The following NAV1 variants were observed in gnomAD, a reference collection of about 807,000 sequenced individuals.
NAV1 encodes the protein neuron navigator 1.
Under a neutral mutation model 175.2 loss-of-function variants are expected in NAV1, and 18 were observed. The observed-to-expected ratio is 0.10, with a 90% confidence interval of 0.07 to 0.15. The LOEUF (loss-of-function observed/expected upper bound fraction) is 0.15, where lower values mean the gene tolerates loss of function less well. Ranked by LOEUF, NAV1 falls within the 10% of genes least tolerant of loss-of-function variation. The pLI is 1.00. For synonymous variants in NAV1, 897 were observed against 978.7 expected (o/e 0.92, Z 1.56); for missense variants, 1,731 against 2,436.6 (o/e 0.71, Z 6.10).
At chr1:201,570,135 A>T (rs1397077027) in intron 1 of NAV1, among the ~76,000 whole-genome samples, 1 of 152,044 alleles carries the variant, frequency 6.6e-6, no homozygotes, top group Non-Finnish European at 1.5e-5. Flanking sequence ...GACCTGAAAA[A>T]CACCAAACAA....
At chr1:201,640,018 C>T (rs550765471) in intron 2 of NAV1, among the ~76,000 whole-genome samples, 2 of 152,282 alleles carry the variant, frequency 1.3e-5, no homozygotes, top group South Asian at 2.1e-4. Flanking sequence ...TAGAATTTCT[C>T]GGCATTCCCA....
At chr1:201,687,686 T>C (rs1670737563) in intron 1 of NAV1, among the ~76,000 whole-genome samples, 1 of 152,208 alleles carries the variant, frequency 6.6e-6, no homozygotes. Flanking sequence ...CCCAAATCTG[T>C]CTGATTTTAA....
At chr1:201,683,000 T>C (rs1425057560) in intron 1 of NAV1, among the ~76,000 whole-genome samples, 1 of 152,188 alleles carries the variant, frequency 6.6e-6, no homozygotes, top group East Asian at 1.9e-4. Flanking sequence ...TATTATTAAC[T>C]TGGAAGTCCA....
At chr1:201,706,068 G>A (rs1456713176) in intron 1 of NAV1, among the ~76,000 whole-genome samples, 3 of 152,160 alleles carry the variant, frequency 2.0e-5, no homozygotes, top group Non-Finnish European at 4.4e-5. Context: ...GTGTCCTTGA[G>A]TGGAAGAGAG....
intron 3 of NAV1, among the ~76,000 whole-genome samples, chr1:201,777,980 C>T (rs1161997971): frequency 6.6e-6 from 1 of 152,056 alleles, no homozygotes; most frequent in East Asian, 1.9e-4. Context: ...AAACTATGCT[C>T]TCTTCAGTGG....
At chr1:201,569,206 C>T (rs1666457424) in intron 1 of NAV1, among the ~76,000 whole-genome samples, 1 of 152,152 alleles carries the variant, frequency 6.6e-6, no homozygotes, top group Admixed American at 6.5e-5. Context: ...TGCTCAGGCC[C>T]ATGAAGGTCT....
At chr1:201,741,668 C>G (rs1476888071) in intron 3 of NAV1, among the ~76,000 whole-genome samples, 3 of 152,210 alleles carry the variant, frequency 2.0e-5, no homozygotes, top group African/African-American at 7.2e-5. Context: ...TCCCCAATGC[C>G]TGGAGGGTGT....
intron 7 of NAV1, 24 bp from the exon 12 acceptor site, chr1:201,785,282 CTTTT>C (rs36061932): frequency 7.1e-3 from 10,130 of 1,432,030 alleles, no homozygotes; most frequent in South Asian, 0.017. Flanking sequence ...CTCTCTCTCT[CTTTT>C]TTTTTTTTTT....
chr1:201,582,061 A>G (rs1263033706), intron 1 of NAV1, among the ~76,000 whole-genome samples: 2 of 152,176 alleles, frequency 1.3e-5, no homozygotes, highest in East Asian at 3.9e-4. Context: ...GCGCCACTGC[A>G]CTCCAGACTG....
chr1:201,650,812 G>A (rs1669173686), intron 1 of NAV1, among the ~76,000 whole-genome samples: 2 of 152,150 alleles, frequency 1.3e-5, no homozygotes, highest in African/African-American at 4.8e-5. Flanking sequence ...GACTGGACAA[G>A]GGCAAAAGAA....
At chr1:201,628,132 C>G (rs2102291240) in intron 1 of NAV1, among the ~76,000 whole-genome samples, 1 of 142,946 alleles carries the variant, frequency 7.0e-6, no homozygotes, top group South Asian at 2.2e-4. Context: ...CAGTGAGACC[C>G]TGTGTCAAAA....
chr1:201,656,499 T>C (rs969738524), intron 1 of NAV1, among the ~76,000 whole-genome samples: 5 of 152,226 alleles, frequency 3.3e-5, no homozygotes, highest in Non-Finnish European at 7.3e-5. Context: ...GCTGGGCTCA[T>C]AAACTACGAC....
intron 1 of NAV1, among the ~76,000 whole-genome samples, chr1:201,549,990 G>A (rs1158524580): frequency 5.2e-5 from 6 of 115,880 alleles, no homozygotes; most frequent in East Asian, 2.9e-4. Flanking sequence ...CAGCCTAGGC[G>A]ACAGAGCGAG....
chr1:201,552,567 C>T (rs1665890317), intron 1 of NAV1, among the ~76,000 whole-genome samples: 1 of 152,140 alleles, frequency 6.6e-6, no homozygotes, highest in Non-Finnish European at 1.5e-5. Flanking sequence ...TACAACCTCC[C>T]TGAGCCTCAA....
chr1:201,657,060 G>T (rs1293838132), intron 1 of NAV1, among the ~76,000 whole-genome samples: 2 of 152,192 alleles, frequency 1.3e-5, no homozygotes, highest in African/African-American at 2.4e-5. Flanking sequence ...CCCAGACTGA[G>T]GCTGCTTCCT....
At chr1:201,636,223 C>T (rs1045981392) in intron 2 of NAV1, among the ~76,000 whole-genome samples, 1 of 152,202 alleles carries the variant, frequency 6.6e-6, no homozygotes, top group African/African-American at 2.4e-5. Flanking sequence ...GGCTCCATGC[C>T]AGTCTTGGCC....
At position 201,720,062 on chromosome 1, in the gene NAV1, C is replaced by T. The variant is rs569023599; in HGVS notation, c.1226+1307C>T. 2.3e-4 allele frequency among the ~76,000 whole-genome samples: 35 copies of T among 152,376 alleles called. No individual in the cohort carries two copies. The East Asian group carries it at 4.2e-3, about 18-fold the overall frequency. ...AGGGGCCAGCCCAACCTCGCGCTCA[C>T]GCTCAGATCCACCAGCCTGGAGCTG... On this transcript the variant is annotated intron_variant, in intron 3 of 29. Coordinates refer to ENST00000367296, the Ensembl canonical transcript of NAV1.
chr1:201,787,835 C>A lies in NAV1; in HGVS notation c.2996-633C>A. On this transcript the variant is annotated intron_variant, in intron 9 of 29. Coordinates refer to ENST00000367296, the Ensembl canonical transcript of NAV1. This position sits in a 1 kb window ranked among gnomAD's most constrained non-coding sequence, Gnocchi z 4.3. ...TTCAAAGCACATTCCACAAGCCTTA[C>A]CTGACACTTTCACCTGCTCTGTCCA... 1 of 400,722 alleles carries A rather than the reference C, an allele frequency of 2.5e-6. No homozygotes were observed. Among genetic ancestry groups the A allele is most frequent in the South Asian group, 1.9e-5 (1 of 53,744 alleles). The allele number at this position is 400,722 out of a possible 1,614,324, so 24.8% of individuals were successfully genotyped here.
chr1:201,667,502 C>T (rs749495699), intron 1 of NAV1, among the ~76,000 whole-genome samples: 10 of 152,146 alleles, frequency 6.6e-5, no homozygotes, highest in Non-Finnish European at 1.2e-4. Flanking sequence ...TCCACCCAGC[C>T]GGTGAGTGGC....
Sources: gnomAD v4.1 joint callset for allele counts (sites outside exome capture counted in the v4.1 genomes callset) on GRCh38, gnomAD v4.1.1 for gene constraint, Gnocchi (gnomAD v3.1) non-coding constraint, MANE v1.5 for transcripts, NCBI Gene and HGNC (gene_info 2026-07-23, HGNC 2026-07-21) for gene names.